The following PSMB1 variants were observed in gnomAD, a reference collection of about 807,000 sequenced individuals.
The protein encoded by PSMB1 is proteasome subunit beta type-1.
A neutral mutation model predicts 25.4 loss-of-function variants in PSMB1; 7 were observed. The observed-to-expected ratio is 0.28, with a 90% CI of 0.16 to 0.52. The LOEUF (loss-of-function observed/expected upper bound fraction) is 0.52, where lower values mean the gene tolerates loss of function less well. PSMB1 is among the 20% of genes least tolerant of loss of function. The pLI, the probability that PSMB1 is intolerant of heterozygous loss-of-function variation, is 0.97. For missense variants in PSMB1, 284 were observed against 302.2 expected, an observed-to-expected ratio of 0.94 and a Z score of 0.45; for synonymous variants, 119 against 115.0, an observed-to-expected ratio of 1.03 and a Z score of -0.22.
In PSMB1 at chr6:170,537,279, A is replaced by G; in HGVS notation, c.495T>C (p.Ala165=). 6.2e-7 allele frequency: 1 copy of G among 1,614,178 alleles called. No individual in the cohort carries two copies. Among genetic ancestry groups the G allele is most frequent in the Non-Finnish European group, 8.5e-7 (1 of 1,180,010 alleles). Reference sequence around the variant, plus strand: ...GTAGCATGGCACTTGCTGAGCCTCCAGCCTTGAAGGAGTCTCTCTGGTAAG... The same window carrying G: ...GTAGCATGGCACTTGCTGAGCCTCCGGCCTTGAAGGAGTCTCTCTGGTAAG... ...VGSYQRDSFK[A]GGSASAMLQP... is the part of the protein sequence containing the mutation. Residue 165 remains alanine (A), a synonymous_variant, in exon 5 of 6, where the codon GCT becomes GCC. Coordinates refer to ENST00000262193, the MANE Select transcript of PSMB1 (RefSeq NM_002793.4).
chr6:170,549,399 C>A, intron 1 of PSMB1: 1 of 335,486 alleles, frequency 3.0e-6, no homozygotes, highest in Non-Finnish European at 5.5e-6. Context: ...CTTACTCGCG[C>A]AAGGTACTAC....
chr6:170,543,488 A>T, intron 4 of PSMB1, 113 bp downstream of exon 4: 1 of 1,120,076 alleles, frequency 8.9e-7, no homozygotes, highest in Non-Finnish European at 1.2e-6. Flanking sequence ...CAGAAATGAA[A>T]TGAGAATTGT....
Position 170,537,255 on chromosome 6 carries a change from T to C in PSMB1, c.519A>G (p.Leu173=), listed in dbSNP as rs753722726. ...FKAGGSASAM[L]QPLLDNQVGF... ...TTACCTGGTTGTCAAGCAGGGGCTG[T>C]AGCATGGCACTTGCTGAGCCTCCAG... is the stretch of plus-strand genomic sequence containing the variant. Residue 173 remains leucine, a synonymous_variant, in exon 5 of 6, where the codon CTA becomes CTG. Transcript: ENST00000262193. The C allele has an allele frequency of 3.7e-6, 6 of 1,613,920 alleles. No individual in the cohort carries two copies. Among genetic ancestry groups the C allele is most frequent in the South Asian group, 1.1e-5 (1 of 91,044 alleles).
chr6:170,545,881 T>C (rs555971959), intron 3 of PSMB1, among the ~76,000 whole-genome samples: 3 of 152,344 alleles, frequency 2.0e-5, no homozygotes, highest in South Asian at 4.1e-4. Context: ...ACCCTTCATA[T>C]GATACAAGAC....
At chr6:170,542,682 T>C (rs929759560) in intron 4 of PSMB1, among the ~76,000 whole-genome samples, 1 of 152,186 alleles carries the variant, frequency 6.6e-6, no homozygotes, top group Non-Finnish European at 1.5e-5. Flanking sequence ...TTTTGACTGA[T>C]TACCCTGAGA....
chr6:170,536,071 A>C (rs1778687080), intron 5 of PSMB1, among the ~76,000 whole-genome samples: 1 of 152,234 alleles, frequency 6.6e-6, no homozygotes. Flanking sequence ...AATCACAAAG[A>C]GGGACGAATT....
intron 5 of PSMB1, chr6:170,536,412 A>T (rs758436841): frequency 2.2e-6 from 1 of 454,320 alleles, no homozygotes; most frequent in Non-Finnish European, 4.4e-6. Flanking sequence ...CAAGTGGCCC[A>T]AACAAAGCAC....
chr6:170,547,419 T>C (rs1778832676), intron 2 of PSMB1, among the ~76,000 whole-genome samples: 1 of 152,228 alleles, frequency 6.6e-6, no homozygotes, highest in Admixed American at 6.5e-5. Context: ...GATCTTGATA[T>C]GAATCTATAA....
At chr6:170,544,649 C>G (rs1778795555) in intron 3 of PSMB1, among the ~76,000 whole-genome samples, 1 of 152,106 alleles carries the variant, frequency 6.6e-6, no homozygotes. Flanking sequence ...CTACAGTGAG[C>G]TACAATGGCG....
chr6:170,540,708 C>A (rs1778749165), intron 4 of PSMB1, among the ~76,000 whole-genome samples: 1 of 144,656 alleles, frequency 6.9e-6, no homozygotes, highest in African/African-American at 2.6e-5. Flanking sequence ...ATACAGAAAA[C>A]TGCAAAGAAA....
chr6:170,537,761 A>G (rs1202367089), intron 4 of PSMB1, among the ~76,000 whole-genome samples: 2 of 152,232 alleles, frequency 1.3e-5, no homozygotes, highest in Non-Finnish European at 2.9e-5. Flanking sequence ...AATACACAAA[A>G]ATAATCCAAG....
Position 170,553,301 on chromosome 6 carries a change from A to G in PSMB1, c.-59T>C, listed in dbSNP as rs1778944604. 7.8e-7 allele frequency: 1 copy of G among 1,284,762 alleles called. No homozygotes were observed. Among genetic ancestry groups the G allele is most frequent in the South Asian group, 1.3e-5 (1 of 79,424 alleles). 79.6% of individuals were successfully genotyped at this position (1,284,762 alleles called of 1,614,324 possible). On this transcript the variant is annotated 5_prime_UTR_variant, in exon 1 of 6. Transcript: ENST00000262193. The stretch of plus-strand genomic sequence containing the variant: ...GTCTCACGGCGAGATGGCTGCCTTG[A>G]CCGGACGTTACGCCACTTCCGGCTT...
At chr6:170,543,520 T>C (rs1778780729) in intron 4 of PSMB1, 81 bp downstream of exon 4, 1 of 1,312,816 alleles carries the variant, frequency 7.6e-7, no homozygotes. Flanking sequence ...TTTATGGTTC[T>C]TTTCAACTCT....
intron 5 of PSMB1, among the ~76,000 whole-genome samples, chr6:170,536,893 AG>A (rs199504168): frequency 6.6e-6 from 1 of 152,064 alleles, no homozygotes; most frequent in African/African-American, 2.4e-5. Flanking sequence ...TAACACAGAA[AG>A]GGGGGGTAAG....
intron 5 of PSMB1, 123 bp from the exon 6 acceptor site, chr6:170,535,528 A>C: frequency 1.2e-6 from 1 of 831,032 alleles, no homozygotes; most frequent in Non-Finnish European, 1.8e-6. Context: ...ACAAAATTAA[A>C]ATGTCCTTCA....
intron 1 of PSMB1, among the ~76,000 whole-genome samples, chr6:170,552,418 A>G (rs1351753391): frequency 6.6e-6 from 1 of 152,238 alleles, no homozygotes; most frequent in African/African-American, 2.4e-5. Flanking sequence ...AAAGCTGGTA[A>G]TTAAAATAAA....
intron 1 of PSMB1, chr6:170,549,653 CT>C (rs1778866574): frequency 6.6e-6 from 1 of 152,182 alleles, no homozygotes; most frequent in South Asian, 2.1e-4. Flanking sequence ...AATTTGACAG[CT>C]TATCAAAGAG....
intron 4 of PSMB1, among the ~76,000 whole-genome samples, chr6:170,538,237 A>G (rs1341401939): frequency 2.0e-5 from 3 of 152,244 alleles, no homozygotes; most frequent in East Asian, 1.9e-4. Flanking sequence ...TGTTCTGGGT[A>G]TGAGAAATCA....
Position 170,546,171 on chromosome 6 carries a change from C to T in PSMB1, c.235G>A (p.Val79Ile). The T allele has an allele frequency of 6.2e-7, 1 of 1,613,890 alleles. No homozygotes were observed. Among genetic ancestry groups the T allele is most frequent in the Non-Finnish European group, 8.5e-7 (1 of 1,179,854 alleles). The change falls in exon 3 of 6, where the codon GTC becomes ATC. Residue 79 changes from valine to isoleucine, a missense_variant. Val to Ile is a conservative substitution (Grantham distance 29, BLOSUM62 3). Coordinates refer to ENST00000262193, the MANE Select transcript of PSMB1 (RefSeq NM_002793.4). The stretch of plus-strand genomic sequence containing the variant: ...CCATGAAAACCGCTGCATCCAATGA[C>T]TGTTTTGTCTGTTCTGTAAAAAGCA... ...PKCYKLTDKT[V>I]IGCSGFHGDC...
Sources: gnomAD v4.1 joint callset for allele counts (sites outside exome capture counted in the v4.1 genomes callset) on GRCh38, gnomAD v4.1.1 for gene constraint, MANE v1.5 for transcripts, NCBI Gene and HGNC (gene_info 2026-07-23, HGNC 2026-07-21) for gene names.